The following GABBR2 variants were observed in gnomAD, a reference collection of about 807,000 sequenced individuals.
The protein encoded by GABBR2 is gamma-aminobutyric acid type B receptor subunit 2.
In GABBR2, 23 loss-of-function variants were observed where a neutral mutation model predicts 105.6. The ratio of observed to expected loss-of-function variants is 0.22; its 90% confidence interval spans 0.16 to 0.31. GABBR2 has a LOEUF of 0.31. GABBR2 is among the 10% of genes least tolerant of loss of function. The pLI is 1.00. For missense variants in GABBR2, 734 were observed against 1,245.5 expected (o/e 0.59, Z 6.18); for synonymous variants, 478 against 499.7 (o/e 0.96, Z 0.58).
At chr9:98,328,370 G>A (rs1172086568) in intron 13 of GABBR2, among the ~76,000 whole-genome samples, 1 of 152,168 alleles carries the variant, frequency 6.6e-6, no homozygotes, top group Non-Finnish European at 1.5e-5. Context: ...TGACGTGGCT[G>A]ATTTGAAAAA....
chr9:98,699,276 A>G (rs960028934), intron 1 of GABBR2, among the ~76,000 whole-genome samples: 2 of 152,172 alleles, frequency 1.3e-5, no homozygotes, highest in Non-Finnish European at 2.9e-5. Context: ...GATGGTGCAT[A>G]TATTTGTCAG....
intron 7 of GABBR2, among the ~76,000 whole-genome samples, chr9:98,428,812 T>C (rs1588155740): frequency 6.6e-6 from 1 of 152,332 alleles, no homozygotes; most frequent in East Asian, 1.9e-4. Context: ...CAGAAGCAAC[T>C]GTGCATAGGC....
intron 12 of GABBR2, among the ~76,000 whole-genome samples, chr9:98,371,079 G>T (rs997885807): frequency 6.6e-6 from 1 of 151,886 alleles, no homozygotes; most frequent in South Asian, 2.1e-4. Context: ...AGCCTCTCTC[G>T]GCCCCTGACC....
intron 6 of GABBR2, among the ~76,000 whole-genome samples, chr9:98,458,745 A>G (rs1407914587): frequency 6.6e-6 from 1 of 152,208 alleles, no homozygotes; most frequent in East Asian, 1.9e-4. Context: ...GATGCCAGGG[A>G]TACATTTTGG....
chr9:98,424,312 G>A (rs1832835417), intron 7 of GABBR2, among the ~76,000 whole-genome samples: 1 of 152,016 alleles, frequency 6.6e-6, no homozygotes, highest in African/African-American at 2.4e-5. Flanking sequence ...CAATAAATTA[G>A]GTATTGATGG....
In GABBR2 at chr9:98,303,255, T is replaced by C. The variant is rs1457241960; in HGVS notation, c.2398A>G (p.Met800Val). ...GAGGGAGGTACCTCTGTGATCTTCA[T>C]TCGCAGGCGATGGTTTTCTGACTGT... ...GLQSENHRLR[M>V]KITELDKDLE... The change falls in exon 16 of 19, where the codon ATG becomes GTG. Residue 800 changes from methionine to valine, a missense_variant. This residue lies in a region of GABBR2 where 91 missense variants were observed against 185.9 expected (regional missense o/e 0.49). Transcript: ENST00000259455. The C allele has an allele frequency of 2.5e-6, 4 of 1,613,988 alleles. No individual in the cohort carries two copies. The highest frequency in any genetic ancestry group is 3.4e-6 in the Non-Finnish European group (4 of 1,180,002).
At chr9:98,630,118 T>C (rs892210782) in intron 1 of GABBR2, among the ~76,000 whole-genome samples, 3 of 152,178 alleles carry the variant, frequency 2.0e-5, no homozygotes, top group African/African-American at 4.8e-5. Flanking sequence ...GTATGGTTTA[T>C]GTCACTCTGC....
intron 13 of GABBR2, among the ~76,000 whole-genome samples, chr9:98,361,987 C>G (rs995509258): frequency 1.3e-5 from 2 of 152,212 alleles, no homozygotes; most frequent in East Asian, 1.9e-4. Context: ...AAAGATCTCT[C>G]TAACAAAGCA....
chr9:98,579,755 A>G (rs1226698017), intron 1 of GABBR2, among the ~76,000 whole-genome samples: 1 of 152,204 alleles, frequency 6.6e-6, no homozygotes, highest in Non-Finnish European at 1.5e-5. Context: ...AAGGAATAAG[A>G]TAAGAGTGCC....
At chr9:98,543,124 T>C (rs1828335915) in intron 2 of GABBR2, among the ~76,000 whole-genome samples, 2 of 152,236 alleles carry the variant, frequency 1.3e-5, no homozygotes, top group South Asian at 4.1e-4. Context: ...AGTTAAGTTG[T>C]TAAGTTGGAT....
intron 3 of GABBR2, among the ~76,000 whole-genome samples, chr9:98,539,994 T>C (rs1157508878): frequency 6.6e-6 from 1 of 151,872 alleles, no homozygotes; most frequent in Non-Finnish European, 1.5e-5. Context: ...CCAGTGTTAA[T>C]GGGGCCATGG....
chr9:98,366,677 T>C (rs545197067), intron 12 of GABBR2, among the ~76,000 whole-genome samples: 1 of 152,346 alleles, frequency 6.6e-6, no homozygotes, highest in Non-Finnish European at 1.5e-5. Context: ...GAATACAGCA[T>C]GGATGGTGCC....
intron 2 of GABBR2, among the ~76,000 whole-genome samples, chr9:98,567,175 C>T (rs1002210589): frequency 1.3e-5 from 2 of 152,170 alleles, no homozygotes; most frequent in African/African-American, 2.4e-5. Flanking sequence ...AAGTGGCTGG[C>T]GGTGAAAGAC....
chr9:98,389,447 A>C (rs1439565985), intron 9 of GABBR2, among the ~76,000 whole-genome samples: 1 of 152,204 alleles, frequency 6.6e-6, no homozygotes, highest in Non-Finnish European at 1.5e-5. Context: ...CCTCCTCAAC[A>C]GGATGGACAC....
intron 1 of GABBR2, among the ~76,000 whole-genome samples, chr9:98,655,165 T>C (rs1352513094): frequency 6.6e-6 from 1 of 152,212 alleles, no homozygotes; most frequent in African/African-American, 2.4e-5. Flanking sequence ...CCTGTCATTA[T>C]GCATTTGTCC....
At chr9:98,440,247 C>G (rs1165889748) in intron 7 of GABBR2, among the ~76,000 whole-genome samples, 2 of 152,190 alleles carry the variant, frequency 1.3e-5, no homozygotes, top group Non-Finnish European at 2.9e-5. Context: ...CAGGTGTATC[C>G]AGAGCATGCT....
chr9:98,436,970 G>C (rs1825937933), intron 7 of GABBR2, among the ~76,000 whole-genome samples: 2 of 152,098 alleles, frequency 1.3e-5, no homozygotes, highest in Admixed American at 1.3e-4. Flanking sequence ...AATGCCCTAA[G>C]AAGGAACTTT....
chr9:98,400,570 T>C (rs1336511816), intron 8 of GABBR2, among the ~76,000 whole-genome samples: 1 of 152,136 alleles, frequency 6.6e-6, no homozygotes, highest in African/African-American at 2.4e-5. Context: ...AGGGAACATA[T>C]ATAAGGACAT....
chr9:98,691,223 G>A (rs751766729), intron 1 of GABBR2, among the ~76,000 whole-genome samples: 6 of 152,148 alleles, frequency 3.9e-5, no homozygotes, highest in Non-Finnish European at 5.9e-5. Flanking sequence ...TCAGGCATCC[G>A]TGGAGTGCCT....
Sources: allele counts gnomAD v4.1 joint callset (sites outside exome capture counted in the v4.1 genomes callset), GRCh38; gene constraint gnomAD v4.1.1; regional missense constraint gnomAD v4.1.1; transcripts MANE v1.5; gene names NCBI Gene and HGNC (gene_info 2026-07-23, HGNC 2026-07-21).